Variants in SRGAP2 observed in about 807,000 individuals in gnomAD.
SRGAP2 encodes SLIT-ROBO Rho GTPase-activating protein 2.
A neutral mutation model predicts 57.2 loss-of-function variants in SRGAP2; 15 were observed. The observed-to-expected ratio is 0.26, with a 90% CI of 0.18 to 0.40. The LOEUF (loss-of-function observed/expected upper bound fraction) is 0.40. SRGAP2 is among the 10% of genes least tolerant of loss of function. SRGAP2 has a pLI of 1.00. For synonymous variants in SRGAP2, 249 were observed against 248.0 expected (o/e 1.00, Z -0.04); for missense variants, 520 against 669.6 (o/e 0.78, Z 2.47).
chr1:206,461,856 C>A lies in SRGAP2; in HGVS notation c.*436C>A, dbSNP rs1664288911. ...TATAGAGAATCATATATAGTCCAGT[C>A]TTCATTTTACATACACACACATATT... On this transcript the variant is annotated 3_prime_UTR_variant, in exon 23 of 23. Transcript: ENST00000573034. 1.8e-5 allele frequency: 3 copies of A among 163,432 alleles called. No individual in the cohort carries two copies. The highest frequency in any genetic ancestry group is 1.7e-4 in the South Asian group (1 of 6,002). 10.1% of individuals were successfully genotyped at this position (163,432 alleles called of 1,614,324 possible). A position where few individuals can be genotyped will look rare whatever the true frequency, so the allele number is the denominator to read the frequency against.
rs1209811321 is a variant in SRGAP2, at chr1:206,441,262, CT to C, written c.1874+1183del. On this transcript the variant is annotated intron_variant, in intron 17 of 22. Transcript: ENST00000573034. ...AACAATTGGACCTAGGAATCCAACC[CT>C]TAAGGGAGAAACCAGGAGTGGAGCT... is the stretch of plus-strand genomic sequence containing the variant. Among the ~76,000 whole-genome samples, 3 of 152,224 alleles carry C rather than the reference CT, an allele frequency of 2.0e-5. No individual in the cohort carries two copies. In the East Asian group the frequency reaches 5.8e-4, roughly 29 times the overall value.
At chr1:206,205,280 G>T (rs1311027853) in intron 1 of SRGAP2, 149 bp from the exon 2 acceptor site, 1 of 144,208 alleles carries the variant, frequency 6.9e-6, no homozygotes, top group Non-Finnish European at 1.5e-5. Context: ...TCCCCACCTC[G>T]TAGCGCCAGG....
intron 4 of SRGAP2, among the ~76,000 whole-genome samples, chr1:206,369,689 A>G (rs550724307): frequency 0.013 from 1,913 of 151,702 alleles, 23 homozygotes; most frequent in South Asian, 0.027. Context: ...CAAAACCACA[A>G]TGAAACACCA....
chr1:206,357,708 C>T (rs1461965584), intron 4 of SRGAP2, among the ~76,000 whole-genome samples: 1 of 150,708 alleles, frequency 6.6e-6, no homozygotes, highest in Non-Finnish European at 1.5e-5. Flanking sequence ...CTCAGCCTCC[C>T]GAGTAGCCGG....
intron 2 of SRGAP2, among the ~76,000 whole-genome samples, chr1:206,293,083 T>C: frequency 6.6e-6 from 1 of 152,216 alleles, no homozygotes; most frequent in East Asian, 1.9e-4. Context: ...ATTTTAATAT[T>C]GATCTGGTTT....
At chr1:206,322,973 C>T (rs1172774275) in intron 3 of SRGAP2, among the ~76,000 whole-genome samples, 1 of 150,600 alleles carries the variant, frequency 6.6e-6, no homozygotes, top group Non-Finnish European at 1.5e-5. Context: ...CAACAACTCA[C>T]TCTCTCAGGA....
At chr1:206,325,823 A>G (rs1553329732) in intron 3 of SRGAP2, among the ~76,000 whole-genome samples, 1 of 152,170 alleles carries the variant, frequency 6.6e-6, no homozygotes, top group African/African-American at 2.4e-5. Flanking sequence ...ATTACCTGAC[A>G]TGCTGATTTG....
intron 17 of SRGAP2, among the ~76,000 whole-genome samples, chr1:206,441,428 T>G (rs1171576753): frequency 1.3e-5 from 2 of 152,144 alleles, no homozygotes; most frequent in African/African-American, 4.8e-5. Flanking sequence ...CAGCATGTCC[T>G]TGTGTGGAGC....
intron 16 of SRGAP2, among the ~76,000 whole-genome samples, chr1:206,438,784 C>T (rs142828757): frequency 1.1e-3 from 162 of 152,338 alleles, no homozygotes; most frequent in African/African-American, 3.8e-3. Context: ...ACTGATGGCT[C>T]CAGAGGCTGG....
In SRGAP2 at chr1:206,461,900, TACACACAC is replaced by T. The variant is rs3833477; in HGVS notation, c.*502_*509del. 2.1e-3 allele frequency: 315 copies of T among 151,598 alleles called. No individual in the cohort carries two copies. Among genetic ancestry groups the T allele is most frequent in the African/African-American group, 5.9e-3 (241 of 40,944 alleles). 9.4% of individuals were successfully genotyped at this position (151,598 alleles called of 1,614,324 possible). ...ACATATTTTACACACACACACATTT[TACACACAC>T]ACACACACACACACACACACATATG... On this transcript the variant is annotated 3_prime_UTR_variant, in exon 23 of 23. Transcript: ENST00000573034.
At chr1:206,453,432 A>C (rs1553376964) in intron 20 of SRGAP2, 52 bp downstream of exon 20, 1 of 534,234 alleles carries the variant, frequency 1.9e-6, no homozygotes, top group East Asian at 3.2e-5. Flanking sequence ...GCTCTATGGG[A>C]GTGAGACTTC....
At chr1:206,429,562 G>A (rs1296424991) in intron 13 of SRGAP2, among the ~76,000 whole-genome samples, 1 of 152,224 alleles carries the variant, frequency 6.6e-6, no homozygotes, top group Non-Finnish European at 1.5e-5. Context: ...AGGCAAAGGA[G>A]GACTTTGCAG....
At chr1:206,424,088 C>T (rs1400527776) in intron 13 of SRGAP2, among the ~76,000 whole-genome samples, 9 of 151,612 alleles carry the variant, frequency 5.9e-5, no homozygotes, top group Non-Finnish European at 8.8e-5. Flanking sequence ...CCACCACGCC[C>T]GGCCCTTTCT....
intron 4 of SRGAP2, among the ~76,000 whole-genome samples, chr1:206,382,640 G>A (rs1553347346): frequency 6.6e-6 from 1 of 152,008 alleles, no homozygotes; most frequent in African/African-American, 2.4e-5. Context: ...AGGTTTTCTA[G>A]TTTCCTTATT....
chr1:206,461,536 T>C lies in SRGAP2; in HGVS notation c.*116T>C, dbSNP rs1664266307. 1 of 655,158 alleles carries C rather than the reference T, an allele frequency of 1.5e-6. No homozygotes were observed. The highest frequency in any genetic ancestry group is 2.8e-6 in the Non-Finnish European group (1 of 358,864). 40.6% of individuals were successfully genotyped at this position (655,158 alleles called of 1,614,324 possible). The stretch of plus-strand genomic sequence containing the variant: ...TGAAAATTAGGTTCTAAGTTGTTCT[T>C]GCAGGAATTAGCCTCCCCGTCTCCC... On this transcript the variant is annotated 3_prime_UTR_variant, in exon 23 of 23. Transcript: ENST00000573034.
intron 14 of SRGAP2, among the ~76,000 whole-genome samples, chr1:206,434,214 G>A (rs1215814900): frequency 1.3e-5 from 2 of 152,174 alleles, no homozygotes; most frequent in Non-Finnish European, 1.5e-5. Flanking sequence ...AAAGCTCAGT[G>A]GTGGGTGAGG....
chr1:206,359,716 A>G (rs1245496976), intron 4 of SRGAP2, among the ~76,000 whole-genome samples: 2 of 141,262 alleles, frequency 1.4e-5, no homozygotes, highest in Non-Finnish European at 3.0e-5. Context: ...AACAGATAAT[A>G]CATAAAAAAG....
intron 13 of SRGAP2, among the ~76,000 whole-genome samples, chr1:206,422,270 A>T (rs1032944594): frequency 4.6e-5 from 7 of 152,154 alleles, no homozygotes; most frequent in Non-Finnish European, 7.3e-5. Flanking sequence ...TAAGCTGGGG[A>T]ACTTGGATGA....
chr1:206,290,439 G>C (rs1438220802), intron 2 of SRGAP2, among the ~76,000 whole-genome samples: 1 of 152,116 alleles, frequency 6.6e-6, no homozygotes, highest in African/African-American at 2.4e-5. Context: ...CAGAGGTCAG[G>C]AGTTCGAGAC....
Sources: allele counts gnomAD v4.1 joint callset (sites outside exome capture counted in the v4.1 genomes callset), GRCh38; gene constraint gnomAD v4.1.1; transcripts MANE v1.5; gene names NCBI Gene and HGNC (gene_info 2026-07-23, HGNC 2026-07-21).